Variants in ADAM32 observed in about 807,000 individuals in gnomAD.
ADAM32 encodes the protein ADAM metallopeptidase domain 32.
Under a neutral mutation model 114.9 loss-of-function variants are expected in ADAM32, and 89 were observed. That is an observed-to-expected ratio of 0.77 (90% CI 0.65 to 0.92). The LOEUF (loss-of-function observed/expected upper bound fraction) is 0.92, where lower values mean the gene tolerates loss of function less well. Ranked by LOEUF, ADAM32 falls within the 40% of genes least tolerant of loss-of-function variation. The probability of loss-of-function intolerance (pLI) is 0.00; values close to 1 mark genes in which losing one functional copy is unlikely to be tolerated. For missense variants in ADAM32, 870 were observed against 932.8 expected (o/e 0.93, Z 0.88); for synonymous variants, 285 against 307.5 (o/e 0.93, Z 0.77).
intron 11 of ADAM32, among the ~76,000 whole-genome samples, chr8:39,205,000 AG>A (rs1400286097): frequency 1.3e-5 from 2 of 152,286 alleles, no homozygotes; most frequent in Non-Finnish European, 1.5e-5. Flanking sequence ...TTTGTCTCAG[AG>A]GGGTACTTGG....
intron 12 of ADAM32, among the ~76,000 whole-genome samples, chr8:39,212,288 G>GTACCAA (rs1808277574): frequency 6.6e-6 from 1 of 152,022 alleles, no homozygotes; most frequent in Admixed American, 6.5e-5. Context: ...TGCTGGGATT[G>GTACCAA]CAGGCATGAG....
intron 9 of ADAM32, chr8:39,168,708 A>G (rs1805006903): frequency 6.6e-6 from 1 of 152,176 alleles, no homozygotes; most frequent in African/African-American, 2.4e-5. Flanking sequence ...TACCTTTTAT[A>G]GAGTATGGAA....
At chr8:39,274,018 GT>G (rs11358451) in intron 20 of ADAM32, among the ~76,000 whole-genome samples, 53,670 of 151,888 alleles carry the variant, frequency 0.35, 11,606 homozygotes, top group African/African-American at 0.62. Flanking sequence ...GCTAATCTGT[GT>G]TTTTTTCTGA....
intron 11 of ADAM32, among the ~76,000 whole-genome samples, chr8:39,192,338 C>T (rs1806664260): frequency 6.6e-6 from 1 of 152,086 alleles, no homozygotes. Flanking sequence ...ACTGCAACAC[C>T]TGCTTTTTTC....
chr8:39,125,340 C>T (rs1320490348), intron 2 of ADAM32, among the ~76,000 whole-genome samples: 1 of 151,830 alleles, frequency 6.6e-6, no homozygotes, highest in Non-Finnish European at 1.5e-5. Context: ...TCTGGTTTCT[C>T]CTTGTTGGCA....
intron 16 of ADAM32, among the ~76,000 whole-genome samples, chr8:39,241,198 C>T (rs1414779507): frequency 1.3e-5 from 2 of 152,220 alleles, no homozygotes; most frequent in East Asian, 3.8e-4. Flanking sequence ...AGGTGGGCTC[C>T]CACAGCCTTG....
intron 2 of ADAM32, 79 bp downstream of exon 2, chr8:39,118,244 C>A (rs1043581671): frequency 1.2e-6 from 1 of 863,216 alleles, no homozygotes; most frequent in Non-Finnish European, 1.6e-6. Context: ...ATATGTCAAG[C>A]CCATTTTAAT....
chr8:39,239,151 A>G (rs573721194), intron 16 of ADAM32, among the ~76,000 whole-genome samples: 35 of 152,302 alleles, frequency 2.3e-4, no homozygotes, highest in Non-Finnish European at 4.1e-4. Context: ...GAAGGAAAGA[A>G]GCTTAAGAGC....
At chr8:39,283,771 C>CTTTTTTTTTTTTTTTTTTTTTTATTTT (rs373085019) in intron 24 of ADAM32, 147 bp downstream of exon 24, 1 of 234,802 alleles carries the variant, frequency 4.3e-6, no homozygotes, top group Non-Finnish European at 7.5e-6. Flanking sequence ...TTCTTTTATT[C>CTTTTTTTTTTTTTTTTTTTTTTATTTT]TTTTTTTTTT....
chr8:39,171,123 A>G (rs965425920), intron 10 of ADAM32, among the ~76,000 whole-genome samples: 1 of 152,050 alleles, frequency 6.6e-6, no homozygotes, highest in Non-Finnish European at 1.5e-5. Context: ...TTTAGTAAAG[A>G]AGGGTTTTGA....
chr8:39,205,200 G>C (rs765390230), intron 11 of ADAM32, among the ~76,000 whole-genome samples: 1 of 152,206 alleles, frequency 6.6e-6, no homozygotes, highest in Non-Finnish European at 1.5e-5. Context: ...GCTGCCTTTT[G>C]TTTGACTATG....
At chr8:39,164,418 G>A (rs757453993) in intron 7 of ADAM32, among the ~76,000 whole-genome samples, 1 of 152,148 alleles carries the variant, frequency 6.6e-6, no homozygotes, top group Non-Finnish European at 1.5e-5. Context: ...GCTATTATGA[G>A]TAAAGATGTT....
At chr8:39,257,988 G>A (rs1464206645) in intron 19 of ADAM32, among the ~76,000 whole-genome samples, 3 of 152,028 alleles carry the variant, frequency 2.0e-5, no homozygotes, top group African/African-American at 7.2e-5. Flanking sequence ...TACACTGAAT[G>A]TTTGTGTATC....
chr8:39,160,156 C>G (rs900177072), intron 6 of ADAM32, among the ~76,000 whole-genome samples: 2 of 152,070 alleles, frequency 1.3e-5, no homozygotes, highest in East Asian at 1.9e-4. Context: ...TTTATTGGCT[C>G]AAACAAGTTA....
At chr8:39,125,223 G>A (rs373112375) in intron 2 of ADAM32, among the ~76,000 whole-genome samples, 19 of 151,968 alleles carry the variant, frequency 1.3e-4, no homozygotes, top group African/African-American at 4.3e-4. Context: ...ATTTGCTTAC[G>A]TTCCTTGTAA....
intron 19 of ADAM32, among the ~76,000 whole-genome samples, chr8:39,259,713 A>G (rs552353006): frequency 6.2e-4 from 94 of 152,270 alleles, no homozygotes; most frequent in African/African-American, 2.2e-3. Flanking sequence ...ATTTTCCAGT[A>G]TATTTCCCAG....
chr8:39,129,955 CTTT>C (rs71552835), intron 2 of ADAM32: 1,713 of 242,896 alleles, frequency 7.1e-3, no homozygotes, highest in South Asian at 0.014. Context: ...ATCACATTTC[CTTT>C]TTTTTTTTTT....
rs1585400111 is a variant in ADAM32, at chr8:39,147,616, T to A, written c.276+411T>A. On this transcript the variant is annotated intron_variant, in intron 4 of 24. Coordinates refer to ENST00000379907, the MANE Select transcript of ADAM32 (RefSeq NM_145004.7). The stretch of plus-strand genomic sequence containing the variant: ...ATCCTACTGACCCTGCCCTTCAAAC[T>A]AAGTGTCCAGCATCCACCTTCTTCC... Among the ~76,000 whole-genome samples the A allele has an allele frequency of 2.6e-5, 4 of 152,160 alleles. No individual in the cohort carries two copies. The South Asian group carries it at 8.3e-4, about 32-fold the overall frequency.
intron 12 of ADAM32, among the ~76,000 whole-genome samples, chr8:39,216,196 G>C (rs1230905871): frequency 6.6e-6 from 1 of 151,860 alleles, no homozygotes; most frequent in Non-Finnish European, 1.5e-5. Flanking sequence ...AATGTGTTTT[G>C]TCGGATATGA....
Sources: allele counts gnomAD v4.1 joint callset (sites outside exome capture counted in the v4.1 genomes callset), GRCh38; gene constraint gnomAD v4.1.1; transcripts MANE v1.5; gene names NCBI Gene and HGNC (gene_info 2026-07-23, HGNC 2026-07-21).